The following BICRA variants were observed in gnomAD, a reference collection of about 807,000 sequenced individuals.
The protein encoded by BICRA is BRD4 interacting chromatin remodeling complex associated protein.
Under a neutral mutation model 96.9 loss-of-function variants are expected in BICRA, and 31 were observed. The observed-to-expected ratio is 0.32, with a 90% CI of 0.24 to 0.43. The LOEUF (loss-of-function observed/expected upper bound fraction) is 0.43, where lower values mean the gene tolerates loss of function less well. Ranked by LOEUF, BICRA falls within the 20% of genes least tolerant of loss-of-function variation. The probability of loss-of-function intolerance (pLI) is 1.00; values close to 1 mark genes in which losing one functional copy is unlikely to be tolerated. For missense variants in BICRA, 2,283 were observed against 2,190.3 expected, an observed-to-expected ratio of 1.04 and a Z score of -0.84; for synonymous variants, 1,350 against 1,071.8, an observed-to-expected ratio of 1.26 and a Z score of -5.07.
intron 6 of BICRA, 37 bp downstream of exon 6, chr19:47,681,313 A>G: frequency 6.5e-7 from 1 of 1,532,350 alleles, no homozygotes; most frequent in East Asian, 2.4e-5. Context: ...GTACCGGAGG[A>G]GGCGGGTTTG....
intron 1 of BICRA, among the ~76,000 whole-genome samples, chr19:47,656,380 A>G (rs913734386): frequency 1.3e-5 from 2 of 152,188 alleles, no homozygotes; most frequent in African/African-American, 4.8e-5. Flanking sequence ...TCAAAACTAT[A>G]CATTAAATAA....
At chr19:47,624,458 C>T (rs142161420) in intron 1 of BICRA, among the ~76,000 whole-genome samples, 1 of 152,264 alleles carries the variant, frequency 6.6e-6, no homozygotes, top group Non-Finnish European at 1.5e-5. Flanking sequence ...ATACTGCAAT[C>T]TGTTAAGTGT....
In BICRA at chr19:47,671,275, T is replaced by C. The variant is rs571268851; in HGVS notation, c.-6+731T>C. Among the ~76,000 whole-genome samples the C allele has an allele frequency of 3.9e-5, 6 of 152,198 alleles. No individual in the cohort carries two copies. The South Asian group carries it at 1.0e-3, about 26-fold the overall frequency. ...CTAAGGAGGCCCCTGTTAGGGGAGT[T>C]CAGAGTATGCTGTCAGGGTGAGGGG... On this transcript the variant is annotated intron_variant, in intron 2 of 14. Transcript: ENST00000594866.
chr19:47,644,354 C>T (rs907751542), intron 1 of BICRA, among the ~76,000 whole-genome samples: 23 of 151,890 alleles, frequency 1.5e-4, no homozygotes, highest in Admixed American at 5.9e-4. Context: ...TATTTTGCCA[C>T]ATTTCCTTTC....
At chr19:47,631,981 T>C (rs191723366) in intron 1 of BICRA, among the ~76,000 whole-genome samples, 37 of 152,296 alleles carry the variant, frequency 2.4e-4, no homozygotes, top group Admixed American at 2.4e-3. Flanking sequence ...AATATTTTAG[T>C]GTTCCATTTT....
chr19:47,653,144 C>T (rs1174054354), intron 1 of BICRA, among the ~76,000 whole-genome samples: 1 of 150,950 alleles, frequency 6.6e-6, no homozygotes, highest in Non-Finnish European at 1.5e-5. Flanking sequence ...CGACCTCAGA[C>T]TCCAGAGTAG....
intron 1 of BICRA, among the ~76,000 whole-genome samples, chr19:47,639,181 T>C (rs1972345746): frequency 6.6e-6 from 1 of 151,298 alleles, no homozygotes; most frequent in Non-Finnish European, 1.5e-5. Flanking sequence ...TTTTTTTTCA[T>C]ATTTTTTGTA....
chr19:47,682,116 C>A lies in BICRA; in HGVS notation c.2247C>A (p.Ala749=). 6.6e-7 allele frequency: 1 copy of A among 1,513,894 alleles called. No individual in the cohort carries two copies. The highest frequency in any genetic ancestry group is 9.0e-7 in the Non-Finnish European group (1 of 1,117,276). 93.8% of individuals were successfully genotyped at this position (1,513,894 alleles called of 1,614,324 possible). Residue 749 remains alanine, a synonymous_variant, in exon 7 of 15, where the codon GCC becomes GCA. Coordinates refer to ENST00000594866, the MANE Select transcript of BICRA (RefSeq NM_001394372.1). The stretch of plus-strand genomic sequence containing the variant: ...AAGGAGCTGGCCTCGGCCCTCAGGC[C>A]CCCGACAGCCAGGCTTCCCCGGCTC... ...VAKGAGLGPQ[A]PDSQASPAPA... is the part of the protein sequence containing the mutation.
intron 1 of BICRA, among the ~76,000 whole-genome samples, chr19:47,637,616 G>T (rs1972319228): frequency 6.6e-6 from 1 of 152,090 alleles, no homozygotes; most frequent in South Asian, 2.1e-4. Context: ...ACAGAGTTGT[G>T]CAACGGTCAT....
At chr19:47,653,532 T>A (rs758469930) in intron 1 of BICRA, among the ~76,000 whole-genome samples, 4 of 152,148 alleles carry the variant, frequency 2.6e-5, no homozygotes, top group Non-Finnish European at 5.9e-5. Context: ...CTCCCCGCAG[T>A]CCTTAGCAAC....
chr19:47,686,664 G>A (rs751388829), intron 7 of BICRA, among the ~76,000 whole-genome samples: 1 of 152,224 alleles, frequency 6.6e-6, no homozygotes, highest in African/African-American at 2.4e-5. Flanking sequence ...GATTACAGGC[G>A]TGAGCCACTG....
chr19:47,679,575 G>A lies in BICRA; in HGVS notation c.405G>A (p.Gln135=), dbSNP rs1476951954. 6.5e-7 allele frequency: 1 copy of A among 1,542,916 alleles called. No homozygotes were observed. The highest frequency in any genetic ancestry group is 2.5e-5 in the East Asian group (1 of 40,634). The change falls in exon 6 of 15, where the codon CAG becomes CAA. Residue 135 remains glutamine, a synonymous_variant. Coordinates refer to ENST00000594866, the MANE Select transcript of BICRA (RefSeq NM_001394372.1). ...GTCCCTTCCAGCTGCCCACCCTGCA[G>A]CCTGCGGATGGCGGGGCAGGCCCGA... ...DLGPFQLPTL[Q]PADGGAGPTG...
At chr19:47,659,703 C>CACAT (rs1334252663) in intron 1 of BICRA, among the ~76,000 whole-genome samples, 2 of 145,378 alleles carry the variant, frequency 1.4e-5, no homozygotes, top group Non-Finnish European at 3.1e-5. Context: ...CACACACACA[C>CACAT]ACACACACAC....
At chr19:47,610,616 C>G (rs968875169) in intron 1 of BICRA, among the ~76,000 whole-genome samples, 2 of 142,014 alleles carry the variant, frequency 1.4e-5, no homozygotes, top group Non-Finnish European at 3.0e-5. Flanking sequence ...TCACCCCCCC[C>G]CCACACACAC....
intron 11 of BICRA, among the ~76,000 whole-genome samples, chr19:47,697,766 C>G (rs1973370302): frequency 6.6e-6 from 1 of 152,160 alleles, no homozygotes; most frequent in Non-Finnish European, 1.5e-5. Flanking sequence ...GTGTGAGCCA[C>G]CATGCCCGGC....
intron 1 of BICRA, among the ~76,000 whole-genome samples, chr19:47,638,795 CA>C (rs1396345283): frequency 6.6e-6 from 1 of 152,086 alleles, no homozygotes; most frequent in Admixed American, 6.6e-5. Flanking sequence ...GCTGGGATTA[CA>C]GGTGGCCGCC....
At chr19:47,664,892 T>C (rs1450463858) in intron 1 of BICRA, among the ~76,000 whole-genome samples, 2 of 144,652 alleles carry the variant, frequency 1.4e-5, no homozygotes, top group African/African-American at 2.6e-5. Flanking sequence ...GGAGAATCTT[T>C]CCGTAGGAGC....
At position 47,702,576 on chromosome 19, in the gene BICRA, C is replaced by A; in HGVS notation, c.*161C>A. The A allele has an allele frequency of 2.4e-6, 2 of 835,332 alleles. No individual in the cohort carries two copies. Among genetic ancestry groups the A allele is most frequent in the Non-Finnish European group, 3.4e-6 (2 of 582,494 alleles). The allele number at this position is 835,332 out of a possible 1,614,324, so 51.7% of individuals were successfully genotyped here. ...AGGCCTCCTTCCCTGCCGCCTGCTT[C>A]AGCTGGGTTGCTGGGGGGTGGGCGT... On this transcript the variant is annotated 3_prime_UTR_variant, in exon 15 of 15. Coordinates refer to ENST00000594866, the MANE Select transcript of BICRA (RefSeq NM_001394372.1).
chr19:47,669,932 AG>A (rs1972838683), intron 1 of BICRA, among the ~76,000 whole-genome samples: 1 of 148,870 alleles, frequency 6.7e-6, no homozygotes, highest in Non-Finnish European at 1.5e-5. Context: ...CTGGGATTAC[AG>A]GGGTGAGCCA....
Sources: allele counts gnomAD v4.1 joint callset (sites outside exome capture counted in the v4.1 genomes callset), GRCh38; gene constraint gnomAD v4.1.1; transcripts MANE v1.5; gene names NCBI Gene and HGNC (gene_info 2026-07-23, HGNC 2026-07-21).